UBE2R2: variants seen among roughly 807,000 people sequenced by gnomAD.
UBE2R2 encodes the protein ubiquitin-conjugating enzyme E2 R2.
UBE2R2 carries 1 observed loss-of-function variant against 27.8 expected under a neutral mutation model. The observed-to-expected ratio is 0.04, with a 90% CI of 0.01 to 0.17. The LOEUF (loss-of-function observed/expected upper bound fraction) is 0.17, where lower values mean the gene tolerates loss of function less well. Among genes scored for constraint, UBE2R2 ranks in the 10% least tolerant of loss-of-function variants. The probability of loss-of-function intolerance (pLI) is 1.00; values close to 1 mark genes in which losing one functional copy is unlikely to be tolerated. For missense variants in UBE2R2, 100 were observed against 291.0 expected (o/e 0.34, Z 4.78); for synonymous variants, 106 against 113.3 (o/e 0.94, Z 0.41).
intron 1 of UBE2R2, among the ~76,000 whole-genome samples, chr9:33,829,070 T>A (rs1386825950): frequency 6.6e-6 from 1 of 151,988 alleles, no homozygotes; most frequent in Non-Finnish European, 1.5e-5. Context: ...AGGGTTTCAC[T>A]GTGTTGGCCA....
intron 1 of UBE2R2, among the ~76,000 whole-genome samples, chr9:33,878,925 T>C (rs901962969): frequency 4.6e-5 from 7 of 152,088 alleles, no homozygotes; most frequent in African/African-American, 1.7e-4. Flanking sequence ...CTGCTTTCTT[T>C]TATTGCTTTT....
In UBE2R2 at chr9:33,852,993, G is replaced by A. The variant is rs149355098; in HGVS notation, c.178-33888G>A. Reference sequence around the variant, plus strand: ...GCTGCACTCCAGCCTAGGCAACAGAGCAAGACTCTGTCTCAAATAAATAAA... The same window carrying A: ...GCTGCACTCCAGCCTAGGCAACAGAACAAGACTCTGTCTCAAATAAATAAA... On this transcript the variant is annotated intron_variant, in intron 1 of 4. Coordinates refer to ENST00000263228, the MANE Select transcript of UBE2R2 (RefSeq NM_017811.4). Among the ~76,000 whole-genome samples, 1,073 of 151,808 alleles carry A rather than the reference G, an allele frequency of 7.1e-3. 5 individuals carry two copies. Among genetic ancestry groups the A allele is most frequent in the Middle Eastern group, 0.017 (5 of 294 alleles).
In UBE2R2 at chr9:33,876,637, C is replaced by T. The variant is rs895380372; in HGVS notation, c.178-10244C>T. ...GCTTTAAAAAAATCAATCATAAGGC[C>T]GGGGGCGGTGGCTCACGCCTGTAAT... On this transcript the variant is annotated intron_variant, in intron 1 of 4. Coordinates refer to ENST00000263228, the MANE Select transcript of UBE2R2 (RefSeq NM_017811.4). 1.8e-4 allele frequency among the ~76,000 whole-genome samples: 27 copies of T among 152,072 alleles called. 1 individual carries two copies. The Middle Eastern group carries it at 0.02, about 115-fold the overall frequency.
intron 1 of UBE2R2, among the ~76,000 whole-genome samples, chr9:33,865,244 C>G (rs1821335086): frequency 6.6e-6 from 1 of 152,052 alleles, no homozygotes; most frequent in East Asian, 1.9e-4. Flanking sequence ...CTCTGTTGCC[C>G]AGGCTGGAGT....
chr9:33,912,443 G>A (rs959871505), intron 4 of UBE2R2, among the ~76,000 whole-genome samples: 2 of 151,936 alleles, frequency 1.3e-5, no homozygotes, highest in Non-Finnish European at 2.9e-5. Flanking sequence ...GGCCAACATG[G>A]TGAAACCCTG....
Position 33,817,582 on chromosome 9 carries a change from A to T in UBE2R2, c.-176A>T. Reference sequence around the variant, plus strand: ...CCGGCCTGCGTCGTGTGTGAGGAGGACCCCGGGCGGGCCCACGGGCCGTGT... The same window carrying T: ...CCGGCCTGCGTCGTGTGTGAGGAGGTCCCCGGGCGGGCCCACGGGCCGTGT... On this transcript the variant is annotated 5_prime_UTR_variant, in exon 1 of 5. Transcript: ENST00000263228. The T allele has an allele frequency of 1.7e-6, 1 of 598,754 alleles. No individual in the cohort carries two copies. Among genetic ancestry groups the T allele is most frequent in the Non-Finnish European group, 2.2e-6 (1 of 459,460 alleles). The allele number at this position is 598,754 out of a possible 1,614,324, so 37.1% of individuals were successfully genotyped here.
intron 3 of UBE2R2, among the ~76,000 whole-genome samples, chr9:33,910,002 AACAAC>A (rs1367960771): frequency 6.6e-6 from 1 of 152,172 alleles, no homozygotes; most frequent in Non-Finnish European, 1.5e-5. Flanking sequence ...GGTATTTTAC[AACAAC>A]ACAATCTCTA....
intron 1 of UBE2R2, among the ~76,000 whole-genome samples, chr9:33,853,206 T>C: frequency 6.7e-6 from 1 of 150,208 alleles, no homozygotes; most frequent in Non-Finnish European, 1.5e-5. Context: ...TGTAAAAATA[T>C]TCTCTCTCCC....
Position 33,918,271 on chromosome 9 carries a change from A to G in UBE2R2, c.*1034A>G, listed in dbSNP as rs935065040. On this transcript the variant is annotated 3_prime_UTR_variant, in exon 5 of 5. Transcript: ENST00000263228. ...TTTAAGTAGCCACTTTTAATTACTC[A>G]GTATTAATCCTAGGTGCATGTGTTA... 6.6e-6 allele frequency: 1 copy of G among 152,098 alleles called. No individual in the cohort carries two copies. Among genetic ancestry groups the G allele is most frequent in the African/African-American group, 2.4e-5 (1 of 41,408 alleles). The allele number at this position is 152,098 out of a possible 1,614,324, so 9.4% of individuals were successfully genotyped here.
intron 1 of UBE2R2, among the ~76,000 whole-genome samples, chr9:33,849,287 T>C (rs1820912710): frequency 6.6e-6 from 1 of 152,042 alleles, no homozygotes; most frequent in Non-Finnish European, 1.5e-5. Context: ...CTCCTGTTTA[T>C]TGAGTGATTA....
At chr9:33,913,350 C>T (rs80236342) in intron 4 of UBE2R2, among the ~76,000 whole-genome samples, 306 of 152,226 alleles carry the variant, frequency 2.0e-3, no homozygotes, top group South Asian at 3.7e-3. Context: ...CTTCAAATTC[C>T]CGGGCTCAGG....
chr9:33,826,553 C>T (rs1416305240), intron 1 of UBE2R2, among the ~76,000 whole-genome samples: 8 of 151,926 alleles, frequency 5.3e-5, no homozygotes, highest in Non-Finnish European at 1.2e-4. Flanking sequence ...AAAAAATTAG[C>T]AGGGCATGGT....
chr9:33,852,135 C>T (rs1025182044), intron 1 of UBE2R2, among the ~76,000 whole-genome samples: 16 of 152,088 alleles, frequency 1.1e-4, no homozygotes, highest in African/African-American at 3.9e-4. Context: ...CATAGTGAGA[C>T]CCTGTCTCTA....
intron 1 of UBE2R2, among the ~76,000 whole-genome samples, chr9:33,826,568 C>T (rs10971718): frequency 3.3e-5 from 5 of 151,744 alleles, no homozygotes; most frequent in East Asian, 3.9e-4. Flanking sequence ...CATGGTGGCA[C>T]GTGCCTGTAG....
chr9:33,815,652 G>A (rs1273450310), upstream of UBE2R2, among the ~76,000 whole-genome samples: 1 of 152,196 alleles, frequency 6.6e-6, no homozygotes, highest in Non-Finnish European at 1.5e-5. Context: ...ACTGAGGTTA[G>A]AGGATGGCTT....
chr9:33,863,452 C>T lies in UBE2R2; in HGVS notation c.178-23429C>T, dbSNP rs201392460. On this transcript the variant is annotated intron_variant, in intron 1 of 4. Transcript: ENST00000263228. ...GCCTGAACCCGGGAGGCAGAGGTTG[C>T]AGTGAGCCGAGATCAAGATTGCGTT... is the stretch of plus-strand genomic sequence containing the variant. Among the ~76,000 whole-genome samples, 25 of 151,328 alleles carry T rather than the reference C, an allele frequency of 1.7e-4. No homozygotes were observed. The East Asian group carries it at 3.7e-3, about 22-fold the overall frequency.
At chr9:33,887,348 T>G (rs1218593240) in intron 2 of UBE2R2, among the ~76,000 whole-genome samples, 1 of 152,166 alleles carries the variant, frequency 6.6e-6, no homozygotes, top group African/African-American at 2.4e-5. Context: ...GGGTGAGAGA[T>G]TCAGCTTTTG....
At position 33,911,944 on chromosome 9, in the gene UBE2R2, T is replaced by G. The variant is rs376505240; in HGVS notation, c.363-20T>G. 1.3e-5 allele frequency: 21 copies of G among 1,605,290 alleles called. No individual in the cohort carries two copies. Among genetic ancestry groups the G allele is most frequent in the Non-Finnish European group, 1.6e-5 (19 of 1,176,596 alleles). ...TGTAAATATGGGTATTCATAGCTGA[T>G]CCTTTTTTCCTGTTTCTAGGACTAT... On this transcript the variant is annotated intron_variant, in intron 3 of 4. Coordinates refer to ENST00000263228, the MANE Select transcript of UBE2R2 (RefSeq NM_017811.4).
At chr9:33,824,358 C>T (rs1029580056) in intron 1 of UBE2R2, among the ~76,000 whole-genome samples, 2 of 151,702 alleles carry the variant, frequency 1.3e-5, no homozygotes, top group Non-Finnish European at 2.9e-5. Flanking sequence ...TGGTGTGGGC[C>T]GGGCGCGGTA....
Sources: allele counts gnomAD v4.1 joint callset (sites outside exome capture counted in the v4.1 genomes callset), GRCh38; gene constraint gnomAD v4.1.1; transcripts MANE v1.5; gene names NCBI Gene and HGNC (gene_info 2026-07-23, HGNC 2026-07-21).